TENM3: variants seen among roughly 807,000 people sequenced by gnomAD.
TENM3 encodes the protein teneurin transmembrane protein 3.
TENM3 carries 63 observed loss-of-function variants against 255.1 expected under a neutral mutation model. The ratio of observed to expected loss-of-function variants is 0.25; its 90% confidence interval spans 0.20 to 0.30. TENM3 has a LOEUF of 0.30. Among genes scored for constraint, TENM3 ranks in the 10% least tolerant of loss-of-function variants. The pLI, the probability that TENM3 is intolerant of heterozygous loss-of-function variation, is 1.00. For synonymous variants in TENM3, 1,306 were observed against 1,322.3 expected, an observed-to-expected ratio of 0.99 and a Z score of 0.27; for missense variants, 2,929 against 3,461.1, an observed-to-expected ratio of 0.85 and a Z score of 3.86.
chr4:182,274,330 A>T (rs1759847677), intron 1 of TENM3, among the ~76,000 whole-genome samples: 2 of 152,210 alleles, frequency 1.3e-5, no homozygotes, highest in Admixed American at 1.3e-4. Flanking sequence ...CCTAATTCAC[A>T]GGAAGCCCTC....
At chr4:182,511,353 T>A (rs1737372078) in intron 3 of TENM3, among the ~76,000 whole-genome samples, 1 of 152,174 alleles carries the variant, frequency 6.6e-6, no homozygotes, top group African/African-American at 2.4e-5. Context: ...GAACATGTAA[T>A]TAGATGTCAG....
At chr4:181,571,755 G>C in the TENM3 span, among the ~76,000 whole-genome samples, 5 of 152,144 alleles carry the variant, frequency 3.3e-5, no homozygotes, top group African/African-American at 4.8e-5. Context: ...CAAATCAGCT[G>C]TTCCCTCTAA....
chr4:182,364,150 T>C (rs6838763), intron 3 of TENM3, among the ~76,000 whole-genome samples: 106,005 of 151,186 alleles, frequency 0.7, 38,829 homozygotes, highest in East Asian at 0.92. Flanking sequence ...ATACCCCAAG[T>C]AAAATGATGG....
chr4:182,063,220 G>A, the TENM3 span, among the ~76,000 whole-genome samples: 1 of 152,188 alleles, frequency 6.6e-6, no homozygotes, highest in African/African-American at 2.4e-5. Flanking sequence ...GTGATGAACT[G>A]AATATTGAAA....
chr4:181,813,206 C>G, the TENM3 span, among the ~76,000 whole-genome samples: 1 of 152,132 alleles, frequency 6.6e-6, no homozygotes, highest in Admixed American at 6.6e-5. Context: ...TTTGAGTTCT[C>G]TCTTGTAAGG....
At chr4:182,574,736 T>G (rs1245021267) in intron 3 of TENM3, among the ~76,000 whole-genome samples, 1 of 152,114 alleles carries the variant, frequency 6.6e-6, no homozygotes, top group Non-Finnish European at 1.5e-5. Context: ...AAACTCTCCC[T>G]CCCTGCAAGA....
At chr4:182,294,784 A>T (rs1761358213) in intron 1 of TENM3, among the ~76,000 whole-genome samples, 1 of 152,188 alleles carries the variant, frequency 6.6e-6, no homozygotes, top group Admixed American at 6.5e-5. Flanking sequence ...CACAAACTAA[A>T]AATGTGTGGG....
the TENM3 span, among the ~76,000 whole-genome samples, chr4:181,920,790 A>C: frequency 2.0e-5 from 3 of 151,904 alleles, no homozygotes; most frequent in African/African-American, 7.3e-5. Context: ...TTGGTGTTTT[A>C]GACATGAAGT....
the TENM3 span, among the ~76,000 whole-genome samples, chr4:181,459,418 A>G: frequency 6.6e-6 from 1 of 151,894 alleles, no homozygotes; most frequent in Admixed American, 6.6e-5. Context: ...TATGTAAGAA[A>G]TCTTTCTCTA....
the TENM3 span, among the ~76,000 whole-genome samples, chr4:181,601,916 GC>G: frequency 6.6e-6 from 1 of 152,060 alleles, no homozygotes; most frequent in Non-Finnish European, 1.5e-5. Context: ...TCCAATTTCT[GC>G]CTCCAGCTGC....
At chr4:181,582,422 A>T in the TENM3 span, among the ~76,000 whole-genome samples, 3 of 152,306 alleles carry the variant, frequency 2.0e-5, no homozygotes, top group South Asian at 6.2e-4. Context: ...CCAGAGGCCC[A>T]GGCAGGTGCA....
At chr4:182,645,606 C>T (rs2152500720) in intron 5 of TENM3, among the ~76,000 whole-genome samples, 1 of 152,290 alleles carries the variant, frequency 6.6e-6, no homozygotes, top group East Asian at 1.9e-4. Context: ...AAACTACAGA[C>T]TGGGGCTGCT....
At chr4:182,391,485 C>T (rs1768419346) in intron 3 of TENM3, among the ~76,000 whole-genome samples, 1 of 152,104 alleles carries the variant, frequency 6.6e-6, no homozygotes, top group Admixed American at 6.5e-5. Context: ...TCTAAGGAGG[C>T]CAGCGTCCTG....
At chr4:182,439,356 A>T (rs190725694) in intron 3 of TENM3, among the ~76,000 whole-genome samples, 1 of 152,334 alleles carries the variant, frequency 6.6e-6, no homozygotes, top group East Asian at 1.9e-4. Flanking sequence ...CCCTAGCAAG[A>T]CCCTAAGCAC....
the TENM3 span, among the ~76,000 whole-genome samples, chr4:181,556,898 A>G: frequency 2.6e-5 from 4 of 152,210 alleles, no homozygotes; most frequent in Non-Finnish European, 5.9e-5. Flanking sequence ...AGAAAACGTA[A>G]CGGTTTTGAC....
intron 22 of TENM3, among the ~76,000 whole-genome samples, chr4:182,764,635 C>T (rs1188773072): frequency 6.6e-6 from 1 of 152,126 alleles, no homozygotes; most frequent in East Asian, 1.9e-4. Flanking sequence ...AGGAGCAGAA[C>T]GTGGCAGGCT....
the TENM3 span, among the ~76,000 whole-genome samples, chr4:181,590,278 ATCAGTGGAAAAT>A: frequency 6.0e-4 from 92 of 152,304 alleles, 1 homozygote; most frequent in East Asian, 0.018. Context: ...GGGAAAAAGC[ATCAGTGGAAAAT>A]TCAGCTGCAG....
chr4:181,956,067 TG>T, the TENM3 span, among the ~76,000 whole-genome samples: 1 of 152,286 alleles, frequency 6.6e-6, no homozygotes, highest in South Asian at 2.1e-4. Flanking sequence ...AGGCAGATTT[TG>T]TGTCTGGTGA....
the TENM3 span, among the ~76,000 whole-genome samples, chr4:181,991,139 GA>G: frequency 6.6e-6 from 1 of 152,032 alleles, no homozygotes; most frequent in Non-Finnish European, 1.5e-5. Context: ...AGCAAAATTA[GA>G]AAAAAATTAA....
Sources: allele counts gnomAD v4.1 joint callset (sites outside exome capture counted in the v4.1 genomes callset), GRCh38; gene constraint gnomAD v4.1.1; transcripts MANE v1.5; gene names NCBI Gene and HGNC (gene_info 2026-07-23, HGNC 2026-07-21).